PRMT8: variants seen among roughly 807,000 people sequenced by gnomAD.
PRMT8 encodes the protein protein arginine N-methyltransferase 8.
A neutral mutation model predicts 47.1 loss-of-function variants in PRMT8; 7 were observed. The observed-to-expected ratio is 0.15, with a 90% CI of 0.08 to 0.28. PRMT8 has a LOEUF of 0.28. PRMT8 is among the 10% of genes least tolerant of loss of function. The probability of loss-of-function intolerance (pLI) is 1.00; values close to 1 mark genes in which losing one functional copy is unlikely to be tolerated. For synonymous variants in PRMT8, 188 were observed against 186.5 expected (o/e 1.01, Z -0.07); for missense variants, 237 against 505.4 (o/e 0.47, Z 5.09).
chr12:3,414,657 A>C (rs895877289), intron 1 of PRMT8, among the ~76,000 whole-genome samples: 1 of 151,998 alleles, frequency 6.6e-6, no homozygotes, highest in African/African-American at 2.4e-5. Flanking sequence ...AGGTCACACA[A>C]ATAGATTGAA....
chr12:3,461,953 C>T (rs146815499), intron 1 of PRMT8, among the ~76,000 whole-genome samples: 1 of 152,124 alleles, frequency 6.6e-6, no homozygotes, highest in East Asian at 1.9e-4. Flanking sequence ...CAGATAAACT[C>T]ATGTCACGAG....
intron 1 of PRMT8, among the ~76,000 whole-genome samples, chr12:3,465,609 T>C (rs972689231): frequency 6.6e-6 from 1 of 152,172 alleles, no homozygotes; most frequent in Non-Finnish European, 1.5e-5. Context: ...TGTGACTTTA[T>C]TTTGAAGGCA....
chr12:3,568,047 G>C (rs1866757380), intron 4 of PRMT8, among the ~76,000 whole-genome samples: 1 of 150,868 alleles, frequency 6.6e-6, no homozygotes, highest in Non-Finnish European at 1.5e-5. Flanking sequence ...ACTCCAGCCT[G>C]GGCAACAAGA....
chr12:3,495,111 C>T (rs1865486510), intron 1 of PRMT8, among the ~76,000 whole-genome samples: 1 of 152,202 alleles, frequency 6.6e-6, no homozygotes, highest in Admixed American at 6.5e-5. Flanking sequence ...CCACTCTCCT[C>T]TTCAGCCCAT....
At chr12:3,415,310 G>A (rs1304560392) in intron 1 of PRMT8, among the ~76,000 whole-genome samples, 3 of 152,122 alleles carry the variant, frequency 2.0e-5, no homozygotes, top group Non-Finnish European at 2.9e-5. Flanking sequence ...GAAGCCCCCC[G>A]AACCCAGTCC....
At chr12:3,558,107 G>A (rs1032228449) in intron 4 of PRMT8, among the ~76,000 whole-genome samples, 2 of 152,052 alleles carry the variant, frequency 1.3e-5, no homozygotes, top group African/African-American at 4.8e-5. Flanking sequence ...TCATAGCAGA[G>A]TGTGGGGTGG....
chr12:3,469,779 C>T (rs1865139810), intron 1 of PRMT8, among the ~76,000 whole-genome samples: 1 of 152,138 alleles, frequency 6.6e-6, no homozygotes, highest in Admixed American at 6.5e-5. Context: ...AGTTCATAGC[C>T]TGATAGCAAG....
intron 1 of PRMT8, among the ~76,000 whole-genome samples, chr12:3,512,379 C>G (rs538460425): frequency 9.2e-5 from 14 of 152,290 alleles, no homozygotes; most frequent in Admixed American, 7.8e-4. Flanking sequence ...GCACTTCTGG[C>G]TGGATTTCTC....
intron 1 of PRMT8, among the ~76,000 whole-genome samples, chr12:3,520,885 G>C (rs1252976079): frequency 1.3e-5 from 2 of 152,140 alleles, no homozygotes; most frequent in Non-Finnish European, 2.9e-5. Flanking sequence ...GGAAAGATTT[G>C]GTATGTGGGG....
At position 3,415,249 on chromosome 12, in the gene PRMT8, C is replaced by G. The variant is rs138786767; in HGVS notation, c.48+33807C>G. On this transcript the variant is annotated intron_variant, in intron 1 of 9. Coordinates refer to the PRMT8 transcript ENST00000452611. Reference sequence around the variant, plus strand: ...ATGGGGAAGGGACATGGAGCTTCCACGCCTTTCCTGGGTGCCACTCTCCAG... The same window carrying G: ...ATGGGGAAGGGACATGGAGCTTCCAGGCCTTTCCTGGGTGCCACTCTCCAG... Among the ~76,000 whole-genome samples the G allele has an allele frequency of 3.7e-3, 565 of 152,274 alleles. 6 individuals carry two copies. Among genetic ancestry groups the G allele is most frequent in the African/African-American group, 0.013 (543 of 41,546 alleles).
At chr12:3,545,599 A>G (rs938084229) in intron 2 of PRMT8, among the ~76,000 whole-genome samples, 5 of 152,142 alleles carry the variant, frequency 3.3e-5, no homozygotes, top group Non-Finnish European at 7.3e-5. Flanking sequence ...TCTGTGACTC[A>G]CCCTAACTGG....
intron 1 of PRMT8, among the ~76,000 whole-genome samples, chr12:3,398,879 G>T (rs1864290599): frequency 6.6e-6 from 1 of 152,226 alleles, no homozygotes; most frequent in East Asian, 1.9e-4. Flanking sequence ...GAACCACACT[G>T]GGTTCTAAAT....
intron 1 of PRMT8, among the ~76,000 whole-genome samples, chr12:3,438,297 T>TGAATGTG (rs1339321795): frequency 1.3e-5 from 2 of 152,238 alleles, no homozygotes; most frequent in Non-Finnish European, 2.9e-5. Context: ...TCAGGGACCC[T>TGAATGTG]GCTGTCGCCC....
intron 8 of PRMT8, among the ~76,000 whole-genome samples, chr12:3,588,842 G>A (rs1867237208): frequency 6.6e-6 from 1 of 152,212 alleles, no homozygotes; most frequent in Non-Finnish European, 1.5e-5. Flanking sequence ...AATGGGGAAG[G>A]CTGAAAGCCA....
chr12:3,382,378 C>T (rs942045782), intron 1 of PRMT8, among the ~76,000 whole-genome samples: 2 of 152,164 alleles, frequency 1.3e-5, no homozygotes, highest in Non-Finnish European at 1.5e-5. Context: ...GGTTTCTCTG[C>T]GTCCTCACCT....
At chr12:3,520,209 TAC>T (rs1465054281) in intron 1 of PRMT8, among the ~76,000 whole-genome samples, 5 of 152,102 alleles carry the variant, frequency 3.3e-5, no homozygotes, top group African/African-American at 1.2e-4. Flanking sequence ...CGATGTAAAA[TAC>T]AAACAGTGCA....
At chr12:3,462,740 G>A (rs527316985) in intron 1 of PRMT8, 5 of 151,982 alleles carry the variant, frequency 3.3e-5, no homozygotes, top group Non-Finnish European at 7.3e-5. Context: ...GGAAGTTGAA[G>A]TGCTTGGGAG....
At chr12:3,549,645 A>T (rs1565438397) in intron 2 of PRMT8, among the ~76,000 whole-genome samples, 1 of 152,156 alleles carries the variant, frequency 6.6e-6, no homozygotes. Context: ...TGTTGTACTG[A>T]TCTTTCCTTT....
rs773720287 is a variant in PRMT8 at position 3,572,496 on chromosome 12, G to C, written c.712+2932G>C. ...GCACCAGTTTCTTGGCTGATGAGAA[G>C]ACTGAAAGAAAGACCTCATGCAGAG... On this transcript the variant is annotated intron_variant, in intron 6 of 9. Coordinates refer to ENST00000382622, the MANE Select transcript of PRMT8 (RefSeq NM_019854.5). The surrounding 1 kb of genome is among the most constrained non-coding windows in gnomAD (Gnocchi z 5.9). Among the ~76,000 whole-genome samples the C allele has an allele frequency of 5.9e-5, 9 of 152,212 alleles. No individual in the cohort carries two copies. Among genetic ancestry groups the C allele is most frequent in the Non-Finnish European group, 1.0e-4 (7 of 68,046 alleles).
Sources: allele counts gnomAD v4.1 joint callset (sites outside exome capture counted in the v4.1 genomes callset), GRCh38; gene constraint gnomAD v4.1.1; non-coding constraint Gnocchi (gnomAD v3.1); transcripts MANE v1.5; gene names NCBI Gene and HGNC (gene_info 2026-07-23, HGNC 2026-07-21).